RFX3: variants seen among roughly 807,000 people sequenced by gnomAD.
The protein encoded by RFX3 is regulatory factor X3, also known as transcription factor RFX3.
RFX3 carries 14 observed loss-of-function variants against 98.6 expected under a neutral mutation model. The ratio of observed to expected loss-of-function variants is 0.14; its 90% CI spans 0.09 to 0.22. The LOEUF (loss-of-function observed/expected upper bound fraction) is 0.22, where lower values mean the gene tolerates loss of function less well. Ranked by LOEUF, RFX3 falls within the 10% of genes least tolerant of loss-of-function variation. The pLI is 1.00. For synonymous variants in RFX3, 383 were observed against 328.4 expected (o/e 1.17, Z -1.80); for missense variants, 639 against 926.9 (o/e 0.69, Z 4.03).
chr9:3,353,144 C>A (rs1466062037), intron 2 of RFX3, among the ~76,000 whole-genome samples: 9 of 133,346 alleles, frequency 6.7e-5, no homozygotes, highest in Non-Finnish European at 1.1e-4. Flanking sequence ...GGGAATTGAA[C>A]AATGAGAACA....
At chr9:3,438,803 T>A in intron 1 of RFX3, among the ~76,000 whole-genome samples, 1 of 152,014 alleles carries the variant, frequency 6.6e-6, no homozygotes, top group East Asian at 1.9e-4. Flanking sequence ...AATAATTTCA[T>A]AATGATAAAG....
chr9:3,220,736 A>T lies in RFX3; in HGVS notation c.*4306T>A, dbSNP rs1053514450. Reference sequence around the variant, plus strand: ...ATGATCTGAAAGGCTTTTGTCCCCCATTGTATATCTTACAATGCTCAAAGG... The same window carrying T: ...ATGATCTGAAAGGCTTTTGTCCCCCTTTGTATATCTTACAATGCTCAAAGG... On this transcript the variant is annotated 3_prime_UTR_variant, in exon 17 of 17. Coordinates refer to ENST00000617270, the MANE Select transcript of RFX3 (RefSeq NM_001282116.2). 6 of 152,012 alleles carry T rather than the reference A, an allele frequency of 3.9e-5. No homozygotes were observed. Among genetic ancestry groups the T allele is most frequent in the African/African-American group, 1.4e-4 (6 of 41,408 alleles). 9.4% of individuals were successfully genotyped at this position (152,012 alleles called of 1,614,324 possible).
chr9:3,478,376 C>T (rs547225957), intron 1 of RFX3, among the ~76,000 whole-genome samples: 6 of 148,440 alleles, frequency 4.0e-5, no homozygotes, highest in Admixed American at 6.7e-5. Flanking sequence ...CTGTATTCCC[C>T]GTAGTGTGTG....
intron 1 of RFX3, among the ~76,000 whole-genome samples, chr9:3,517,392 A>T (rs1818286895): frequency 1.3e-5 from 2 of 152,146 alleles, no homozygotes; most frequent in African/African-American, 4.8e-5. Flanking sequence ...TCCTTTTATC[A>T]TCTTTCACTG....
chr9:3,436,869 A>G (rs1845170803), intron 1 of RFX3, among the ~76,000 whole-genome samples: 1 of 152,024 alleles, frequency 6.6e-6, no homozygotes, highest in Admixed American at 6.6e-5. Flanking sequence ...TAAACTCCCT[A>G]AGAATCTCCT....
At position 3,234,270 on chromosome 9, in the gene RFX3, A is replaced by G. The variant is rs188115133; in HGVS notation, c.1969-5381T>C. Among the ~76,000 whole-genome samples, 1,068 of 152,296 alleles carry G rather than the reference A, an allele frequency of 7.0e-3. 4 individuals carry two copies. Among genetic ancestry groups the G allele is most frequent in the Non-Finnish European group, 9.9e-3 (676 of 68,024 alleles). ...ATTAGGACTCTGTCACAGTTATTCA[A>G]CCCTACCAGTGTAGTGCAAAAATAG... On this transcript the variant is annotated intron_variant, in intron 15 of 16. Coordinates refer to ENST00000617270, the MANE Select transcript of RFX3 (RefSeq NM_001282116.2).
intron 4 of RFX3, among the ~76,000 whole-genome samples, chr9:3,314,064 T>C (rs1018522039): frequency 6.6e-6 from 1 of 152,062 alleles, no homozygotes; most frequent in Non-Finnish European, 1.5e-5. Context: ...CCAAGACACA[T>C]AATTGTCAGA....
At chr9:3,413,701 C>T (rs1370184865) in intron 1 of RFX3, among the ~76,000 whole-genome samples, 4 of 152,118 alleles carry the variant, frequency 2.6e-5, no homozygotes, top group African/African-American at 9.7e-5. Flanking sequence ...ATTGCTTTAA[C>T]ACCTTTTGAG....
intron 1 of RFX3, among the ~76,000 whole-genome samples, chr9:3,415,351 A>G (rs986255083): frequency 9.4e-4 from 142 of 151,642 alleles, no homozygotes; most frequent in Non-Finnish European, 1.5e-3. Context: ...AAGTGCAGAG[A>G]TTAGAGGCGT....
chr9:3,358,797 T>C (rs1451054667), intron 2 of RFX3, among the ~76,000 whole-genome samples: 11 of 152,060 alleles, frequency 7.2e-5, no homozygotes, highest in African/African-American at 2.4e-4. Context: ...CTTCCAATCA[T>C]GGCAGAAGGG....
intron 1 of RFX3, among the ~76,000 whole-genome samples, chr9:3,499,706 A>G (rs1185067608): frequency 6.6e-6 from 1 of 152,120 alleles, no homozygotes; most frequent in Non-Finnish European, 1.5e-5. Context: ...AGCCTTTTTC[A>G]TAAGATATTT....
At chr9:3,425,993 A>C (rs1370999149) in intron 1 of RFX3, among the ~76,000 whole-genome samples, 1 of 152,206 alleles carries the variant, frequency 6.6e-6, no homozygotes, top group Non-Finnish European at 1.5e-5. Flanking sequence ...CATACACAGT[A>C]GAATTTATTA....
intron 6 of RFX3, among the ~76,000 whole-genome samples, chr9:3,291,361 G>T (rs182576259): frequency 6.6e-6 from 1 of 151,442 alleles, no homozygotes. Context: ...AACAGAGCGA[G>T]AATCCTTCTC....
intron 2 of RFX3, among the ~76,000 whole-genome samples, chr9:3,378,186 T>A (rs1452367666): frequency 6.6e-6 from 1 of 152,178 alleles, no homozygotes; most frequent in East Asian, 1.9e-4. Context: ...AGAGCCAACT[T>A]CTTATTTAGG....
chr9:3,455,855 C>T (rs1847101515), intron 1 of RFX3, among the ~76,000 whole-genome samples: 1 of 152,214 alleles, frequency 6.6e-6, no homozygotes, highest in Admixed American at 6.5e-5. Flanking sequence ...CTGCACTTCC[C>T]CATTCCAAGT....
intron 3 of RFX3, among the ~76,000 whole-genome samples, chr9:3,338,688 A>T (rs1219681827): frequency 6.6e-6 from 1 of 152,182 alleles, no homozygotes; most frequent in Non-Finnish European, 1.5e-5. Flanking sequence ...TTCTCAGTTG[A>T]TGTGAATGCT....
At chr9:3,433,088 C>T (rs144689123) in intron 1 of RFX3, among the ~76,000 whole-genome samples, 15 of 152,144 alleles carry the variant, frequency 9.9e-5, no homozygotes, top group African/African-American at 2.9e-4. Context: ...TACAAAAAGG[C>T]GGCCCCATAC....
chr9:3,273,852 G>A (rs1459704868), intron 9 of RFX3, among the ~76,000 whole-genome samples: 4 of 144,768 alleles, frequency 2.8e-5, no homozygotes, highest in Admixed American at 2.7e-4. Context: ...GTGACAGAGT[G>A]AGACTCTGTC....
intron 1 of RFX3, among the ~76,000 whole-genome samples, chr9:3,400,673 A>G (rs987306790): frequency 6.6e-6 from 1 of 152,196 alleles, no homozygotes; most frequent in African/African-American, 2.4e-5. Context: ...ATGACATTAG[A>G]GGGTATCAAT....
Sources: gnomAD v4.1 joint callset for allele counts (sites outside exome capture counted in the v4.1 genomes callset) on GRCh38, gnomAD v4.1.1 for gene constraint, MANE v1.5 for transcripts, NCBI Gene and HGNC (gene_info 2026-07-23, HGNC 2026-07-21) for gene names.